Variants in PATJ observed in about 807,000 individuals in gnomAD.
PATJ encodes inaD-like protein.
In PATJ, 190 loss-of-function variants were observed where a neutral mutation model predicts 224.9. The observed-to-expected ratio is 0.84, with a 90% CI of 0.75 to 0.95. PATJ has a LOEUF of 0.95. Ranked by LOEUF, PATJ falls within the 40% of genes least tolerant of loss-of-function variation. PATJ has a pLI of 0.00. For synonymous variants in PATJ, 769 were observed against 820.3 expected (o/e 0.94, Z 1.07); for missense variants, 2,121 against 2,270.3 (o/e 0.93, Z 1.34).
intron 8 of PATJ, 144 bp downstream of exon 8, chr1:61,788,116 A>G: frequency 3.3e-6 from 2 of 609,514 alleles, no homozygotes; most frequent in South Asian, 4.5e-5. Flanking sequence ...ACTTATTGGG[A>G]GACATTAGAC....
intron 29 of PATJ, among the ~76,000 whole-genome samples, chr1:62,023,377 G>A (rs1381327835): frequency 1.3e-5 from 2 of 151,968 alleles, no homozygotes; most frequent in Admixed American, 6.5e-5. Flanking sequence ...GCATAAGCAT[G>A]AGTTTAACTT....
rs1201141283 is a variant in PATJ, at chr1:62,039,907, G to A, written c.4032+1858G>A. On this transcript the variant is annotated intron_variant, in intron 30 of 43. Coordinates refer to ENST00000642238, the MANE Select transcript of PATJ (RefSeq NM_001350145.3). The stretch of plus-strand genomic sequence containing the variant: ...CCAAAAACTCGCCAGGTGGGACAGA[G>A]TTTCATATCTCTCGAGGCAGTCTCC... 3.3e-5 allele frequency among the ~76,000 whole-genome samples: 5 copies of A among 151,804 alleles called. No individual in the cohort carries two copies. The East Asian group carries it at 9.7e-4, about 29-fold the overall frequency.
chr1:62,020,482 C>T (rs977900950), intron 29 of PATJ, among the ~76,000 whole-genome samples: 5 of 151,892 alleles, frequency 3.3e-5, no homozygotes, highest in African/African-American at 1.2e-4. Flanking sequence ...GAAATAAAAC[C>T]CTCCTCCTTC....
intron 20 of PATJ, among the ~76,000 whole-genome samples, chr1:61,868,823 A>G (rs926184172): frequency 2.6e-5 from 4 of 152,210 alleles, no homozygotes; most frequent in Admixed American, 2.6e-4. Context: ...TTCCTTATAG[A>G]TATATGTCTC....
Position 61,856,060 on chromosome 1 carries a change from G to A in PATJ, c.2143G>A (p.Val715Met), listed in dbSNP as rs373079825. The A allele has an allele frequency of 6.2e-7, 1 of 1,613,966 alleles. No individual in the cohort carries two copies. Among genetic ancestry groups the A allele is most frequent in the African/African-American group, 1.3e-5 (1 of 74,920 alleles). The change falls in exon 18 of 44, where the codon GTG becomes ATG. Residue 715 changes from valine to methionine, a missense_variant. Transcript: ENST00000642238. ...DPLDPTRSVI[V>M]IRSLVADGVA... ...TTTAGATCCTACAAGATCAGTGATT[G>A]TGATCCGCTCCCTGGTAGCAGATGG...
chr1:61,762,542 A>G (rs946642500), intron 1 of PATJ, among the ~76,000 whole-genome samples: 3 of 152,196 alleles, frequency 2.0e-5, no homozygotes, highest in African/African-American at 7.2e-5. Context: ...GTGCTGGGTC[A>G]TATAGTAAGT....
At chr1:61,913,982 C>A (rs1673061299) in intron 25 of PATJ, among the ~76,000 whole-genome samples, 1 of 152,214 alleles carries the variant, frequency 6.6e-6, no homozygotes, top group Middle Eastern at 3.2e-3. Flanking sequence ...GATCTACGTA[C>A]AGAAACCTGC....
chr1:61,937,139 T>C (rs1362545856), intron 27 of PATJ, among the ~76,000 whole-genome samples: 1 of 152,122 alleles, frequency 6.6e-6, no homozygotes. Context: ...CACACACATA[T>C]ACACACAACA....
rs567318086 is a variant in PATJ, at chr1:61,915,123, C to G, written c.3570+459C>G. ...TTAATCCTCCATTCCTGTTTGCCCA[C>G]CTCTATTAAAGTAGAATCTGTTGAC... On this transcript the variant is annotated intron_variant, in intron 26 of 43. Coordinates refer to ENST00000642238, the MANE Select transcript of PATJ (RefSeq NM_001350145.3). Among the ~76,000 whole-genome samples the G allele has an allele frequency of 9.8e-5, 15 of 152,346 alleles. No homozygotes were observed. In the South Asian group the frequency reaches 3.1e-3, roughly 32 times the overall value.
intron 28 of PATJ, among the ~76,000 whole-genome samples, chr1:62,016,236 T>C (rs1286064985): frequency 6.6e-6 from 1 of 152,200 alleles, no homozygotes; most frequent in Non-Finnish European, 1.5e-5. Flanking sequence ...ACTTTTTAGA[T>C]AGTTGAAAAT....
At chr1:62,158,720 C>A (rs1175270198) in intron 43 of PATJ, among the ~76,000 whole-genome samples, 329 of 77,008 alleles carry the variant, frequency 4.3e-3, no homozygotes, top group Admixed American at 6.7e-3. Flanking sequence ...GACTCTGTCT[C>A]AAAAAAAAAA....
At chr1:62,151,036 G>A (rs1668577722) in intron 42 of PATJ, among the ~76,000 whole-genome samples, 1 of 152,186 alleles carries the variant, frequency 6.6e-6, no homozygotes, top group Non-Finnish European at 1.5e-5. Flanking sequence ...CTACTCGGGA[G>A]GCTGAGGCAG....
chr1:62,146,386 T>A (rs951211758), intron 41 of PATJ, among the ~76,000 whole-genome samples: 4 of 152,154 alleles, frequency 2.6e-5, no homozygotes, highest in Non-Finnish European at 5.9e-5. Flanking sequence ...ATTGGAATAA[T>A]CTGCTCCATT....
intron 17 of PATJ, among the ~76,000 whole-genome samples, chr1:61,835,999 CATT>C (rs1465223244): frequency 2.0e-5 from 3 of 152,188 alleles, no homozygotes; most frequent in African/African-American, 7.2e-5. Context: ...TCTTAACTGA[CATT>C]ATCTGTAAGT....
At chr1:62,044,530 T>TA (rs1162366524) in intron 30 of PATJ, among the ~76,000 whole-genome samples, 12 of 152,214 alleles carry the variant, frequency 7.9e-5, no homozygotes, top group Non-Finnish European at 1.2e-4. Flanking sequence ...AGGGCTCAAA[T>TA]AACTTGGGTT....
At chr1:62,156,558 GTTATTA>G (rs1393467452) in intron 43 of PATJ, among the ~76,000 whole-genome samples, 2 of 150,628 alleles carry the variant, frequency 1.3e-5, no homozygotes, top group South Asian at 2.1e-4. Context: ...GTAAATAATA[GTTATTA>G]TTATTATTTA....
intron 43 of PATJ, among the ~76,000 whole-genome samples, chr1:62,156,054 TAAAAAAAA>T (rs34300724): frequency 1.4e-4 from 6 of 43,054 alleles, no homozygotes; most frequent in Admixed American, 8.0e-4. Flanking sequence ...CAAGACTCTG[TAAAAAAAA>T]AAAAAAAAAA....
chr1:61,892,992 A>G (rs2149115747), intron 22 of PATJ, among the ~76,000 whole-genome samples: 1 of 152,214 alleles, frequency 6.6e-6, no homozygotes, highest in East Asian at 1.9e-4. Context: ...ATTCCTTGTT[A>G]AAGTTTCAAA....
At chr1:62,053,809 G>A (rs1654078708) in intron 31 of PATJ, among the ~76,000 whole-genome samples, 1 of 152,112 alleles carries the variant, frequency 6.6e-6, no homozygotes, top group Non-Finnish European at 1.5e-5. Context: ...GATGCTATTA[G>A]GAAACAAAGG....
Sources: gnomAD v4.1 joint callset for allele counts (sites outside exome capture counted in the v4.1 genomes callset) on GRCh38, gnomAD v4.1.1 for gene constraint, MANE v1.5 for transcripts, NCBI Gene and HGNC (gene_info 2026-07-23, HGNC 2026-07-21) for gene names.